SEMA6B: variants seen among roughly 807,000 people sequenced by gnomAD.
The protein encoded by SEMA6B is semaphorin-6B.
Under a neutral mutation model 78.6 loss-of-function variants are expected in SEMA6B, and 47 were observed. That is an observed-to-expected ratio of 0.60 (90% CI 0.47 to 0.76). The LOEUF (loss-of-function observed/expected upper bound fraction) is 0.76. SEMA6B is among the 30% of genes least tolerant of loss of function. The pLI is 0.00. For synonymous variants in SEMA6B, 632 were observed against 592.2 expected, an observed-to-expected ratio of 1.07 and a Z score of -0.98; for missense variants, 1,213 against 1,269.9, an observed-to-expected ratio of 0.96 and a Z score of 0.68.
At chr19:4,557,529 C>G (rs532866328) in intron 3 of SEMA6B, among the ~76,000 whole-genome samples, 1 of 152,222 alleles carries the variant, frequency 6.6e-6, no homozygotes, top group Non-Finnish European at 1.5e-5. Context: ...ACACCCTTGC[C>G]GAGGAAGCCG....
chr19:4,555,712 G>A lies in SEMA6B; in HGVS notation c.472-148C>T. 1 of 718,058 alleles carries A rather than the reference G, an allele frequency of 1.4e-6. No individual in the cohort carries two copies. The highest frequency in any genetic ancestry group is 2.7e-5 in the East Asian group (1 of 37,284). The allele number at this position is 718,058 out of a possible 1,614,324, so 44.5% of individuals were successfully genotyped here. On this transcript the variant is annotated intron_variant, in intron 6 of 16. Transcript: ENST00000586582. The surrounding 1 kb of genome is among the most constrained non-coding windows in gnomAD (Gnocchi z 6.1). ...ACTCACTTAACCTCTCAGGGCCTCA[G>A]TTTACTGATCTGTAAATGGGTTTAA...
chr19:4,556,187 T>C, intron 5 of SEMA6B, 98 bp from the exon 6 acceptor site: 1 of 832,132 alleles, frequency 1.2e-6, no homozygotes, highest in Non-Finnish European at 2.0e-6. Flanking sequence ...AGGGCCGGTC[T>C]GTTGTGGGCA....
rs531749704 is a variant in SEMA6B at position 4,555,849 on chromosome 19, G to A, written c.471+139C>T. ...AGCGCTGACTCCTCTTGAGCTCAGG[G>A]GGAGGAGGCAGGGAGAGTATATCCA... On this transcript the variant is annotated intron_variant, in intron 6 of 16. Coordinates refer to ENST00000586582, the MANE Select transcript of SEMA6B (RefSeq NM_032108.4). This position sits in a 1 kb window ranked among gnomAD's most constrained non-coding sequence, Gnocchi z 6.1. 1.7e-4 allele frequency: 127 copies of A among 741,944 alleles called. No individual in the cohort carries two copies. The African/African-American group carries it at 1.9e-3, about 11-fold the overall frequency. The allele number at this position is 741,944 out of a possible 1,614,324, so 46.0% of individuals were successfully genotyped here. A position where few individuals can be genotyped will look rare whatever the true frequency, so the allele number is the denominator to read the frequency against.
intron 12 of SEMA6B, 39 bp from the exon 13 acceptor site, chr19:4,548,484 A>G: frequency 6.3e-7 from 1 of 1,579,106 alleles, no homozygotes; most frequent in Non-Finnish European, 8.6e-7. Flanking sequence ...CTGGCCCCAT[A>G]TCACCACATG....
intron 14 of SEMA6B, among the ~76,000 whole-genome samples, chr19:4,547,299 T>C (rs1203121790): frequency 6.6e-6 from 1 of 152,122 alleles, no homozygotes; most frequent in African/African-American, 2.4e-5. Flanking sequence ...TCTGGAGTCC[T>C]TAGAACAAAT....
chr19:4,558,491 T>G lies in SEMA6B; in HGVS notation c.-32-2A>C, dbSNP rs949224918. The G allele has an allele frequency of 1.6e-6, 2 of 1,236,186 alleles. No homozygotes were observed. The highest frequency in any genetic ancestry group is 2.0e-6 in the Non-Finnish European group (2 of 988,080). 76.6% of individuals were successfully genotyped at this position (1,236,186 alleles called of 1,614,324 possible). ...CCAGGCGACAGGAGGAGGTGACGCC[T>G]GCGGGCAAGGGGCGGCGAGGTGAGC... is the stretch of plus-strand genomic sequence containing the variant. On this transcript the variant is annotated splice_acceptor_variant, in intron 1 of 16. Transcript: ENST00000586582. LOFTEE classifies it low-confidence loss of function (5UTR_SPLICE). The surrounding 1 kb of genome is among the most constrained non-coding windows in gnomAD (Gnocchi z 5.1).
At position 4,542,660 on chromosome 19, in the gene SEMA6B, A is replaced by G. The variant is rs1020187628; in HGVS notation, c.*941T>C. ...AGGCAAACTCCAGAGAGGGCAGAGG[A>G]CCCAGCCAGCCACGTGGCATGCATG... On this transcript the variant is annotated 3_prime_UTR_variant, in exon 17 of 17. Transcript: ENST00000586582. 1 of 610,684 alleles carries G rather than the reference A, an allele frequency of 1.6e-6. No individual in the cohort carries two copies. Among genetic ancestry groups the G allele is most frequent in the Non-Finnish European group, 3.0e-6 (1 of 332,566 alleles). 37.8% of individuals were successfully genotyped at this position (610,684 alleles called of 1,614,324 possible). A position where few individuals can be genotyped will look rare whatever the true frequency, so the allele number is the denominator to read the frequency against.
chr19:4,556,878 T>C (rs1432200149), intron 5 of SEMA6B, 73 bp downstream of exon 5: 4 of 1,403,718 alleles, frequency 2.8e-6, no homozygotes, highest in African/African-American at 1.4e-5. Context: ...CGTGGCCTGG[T>C]CTGATTGGGG....
chr19:4,550,502 T>G lies in SEMA6B; in HGVS notation c.1122-230A>C, dbSNP rs1452579434. Among the ~76,000 whole-genome samples the G allele has an allele frequency of 6.6e-6, 1 of 152,152 alleles. No individual in the cohort carries two copies. The highest frequency in any genetic ancestry group is 6.5e-5 in the Admixed American group (1 of 15,268). On this transcript the variant is annotated intron_variant, in intron 11 of 16. Coordinates refer to ENST00000586582, the MANE Select transcript of SEMA6B (RefSeq NM_032108.4). This position sits in a 1 kb window ranked among gnomAD's most constrained non-coding sequence, Gnocchi z 6.6. The stretch of plus-strand genomic sequence containing the variant: ...CTTCAGCCACCCGAGTGGCTGGGAT[T>G]ACAGGCACGTGCCATCACGCCCGGC...
chr19:4,555,091 C>T lies in SEMA6B; in HGVS notation c.567G>A (p.Gly189=), dbSNP rs1378542086. 6.2e-7 allele frequency: 1 copy of T among 1,613,666 alleles called. No homozygotes were observed. Residue 189 remains glycine, a synonymous_variant, in exon 8 of 17, where the codon GGG becomes GGA. Transcript: ENST00000586582. This position sits in a 1 kb window ranked among gnomAD's most constrained non-coding sequence, Gnocchi z 6.1. ...CGGTAACAGTAGCTGTGAAGAGCAT[C>T]CCGTCTGGATGGGGTGGGTGGGGAA... ...KHANVALFSD[G]MLFTATVTDF... is the part of the protein sequence containing the mutation.
rs558190229 is a variant in SEMA6B, at chr19:4,558,997, C to T, written c.-32-508G>A. Among the ~76,000 whole-genome samples, 18 of 152,042 alleles carry T rather than the reference C, an allele frequency of 1.2e-4. No individual in the cohort carries two copies. Among genetic ancestry groups the T allele is most frequent in the Non-Finnish European group, 1.5e-4 (10 of 67,980 alleles). ...TCATCTGAGGTCAGGAGTTCAAGAC[C>T]GGCCTGCCTAACATAGCGAAACCCT... On this transcript the variant is annotated intron_variant, in intron 1 of 16. Transcript: ENST00000586582. This position sits in a 1 kb window ranked among gnomAD's most constrained non-coding sequence, Gnocchi z 5.1.
intron 5 of SEMA6B, 34 bp from the exon 6 acceptor site, chr19:4,556,123 A>C (rs1977463338): frequency 6.7e-7 from 1 of 1,496,276 alleles, no homozygotes. Flanking sequence ...GGGGAGCGCG[A>C]TGTGGGCGTG....
intron 14 of SEMA6B, among the ~76,000 whole-genome samples, chr19:4,546,928 A>G (rs1977183533): frequency 6.8e-6 from 1 of 147,722 alleles, no homozygotes; most frequent in Admixed American, 6.9e-5. Context: ...TTCTTATTTT[A>G]AAATTAAAAA....
Position 4,543,712 on chromosome 19 carries a change from G to A in SEMA6B, c.2556C>T (p.Gly852=), listed in dbSNP as rs1568251303. The A allele has an allele frequency of 1.6e-6, 2 of 1,229,440 alleles. No homozygotes were observed. Among genetic ancestry groups the A allele is most frequent in the Non-Finnish European group, 1.0e-6 (1 of 986,472 alleles). The allele number at this position is 1,229,440 out of a possible 1,614,324, so 76.2% of individuals were successfully genotyped here. The change falls in exon 17 of 17, where the codon GGC becomes GGT. Residue 852 remains glycine, a synonymous_variant. Transcript: ENST00000586582. ...TLRRTHTFNS[G]EARPGDRHRG... is the part of the protein sequence containing the mutation. ...GGTGGCGGTCCCCAGGCCGGGCCTC[G>A]CCGCTGTTGAACGTGTGGGTGCGGC...
At chr19:4,556,898 G>A (rs1568258991) in intron 5 of SEMA6B, 53 bp downstream of exon 5, 3 of 1,522,062 alleles carry the variant, frequency 2.0e-6, no homozygotes, top group Non-Finnish European at 2.7e-6. Context: ...GCGGGGCATG[G>A]GTAATGCCAG....
intron 1 of SEMA6B, among the ~76,000 whole-genome samples, 160 bp downstream of exon 1, chr19:4,559,370 C>A (rs148087576): frequency 6.6e-6 from 1 of 152,094 alleles, no homozygotes; most frequent in Non-Finnish European, 1.5e-5. Context: ...CTACCTCTCA[C>A]GGGGGACTGC....
chr19:4,555,976 C>A lies in SEMA6B; in HGVS notation c.471+12G>T. ...AGGTTGGACCTGGGGCGCAGGGAGTCTGAAGACTCACGCTGTAGTTGGCGC... is the reference window on the plus strand; with the variant it reads ...AGGTTGGACCTGGGGCGCAGGGAGTATGAAGACTCACGCTGTAGTTGGCGC... On this transcript the variant is annotated intron_variant, in intron 6 of 16. Transcript: ENST00000586582. The surrounding 1 kb of genome is among the most constrained non-coding windows in gnomAD (Gnocchi z 6.1). 1 of 1,609,704 alleles carries A rather than the reference C, an allele frequency of 6.2e-7. No individual in the cohort carries two copies. Among genetic ancestry groups the A allele is most frequent in the Non-Finnish European group, 8.5e-7 (1 of 1,176,124 alleles).
chr19:4,557,055 C>A, intron 4 of SEMA6B, 42 bp from the exon 5 acceptor site: 1 of 1,602,504 alleles, frequency 6.2e-7, no homozygotes. Context: ...CGGGTCCCAG[C>A]AGCCCTGAGT....
chr19:4,544,137 C>T lies in SEMA6B; in HGVS notation c.2131G>A (p.Glu711Lys). 2 of 1,272,650 alleles carry T rather than the reference C, an allele frequency of 1.6e-6. No individual in the cohort carries two copies. Among genetic ancestry groups the T allele is most frequent in the Non-Finnish European group, 2.0e-6 (2 of 1,011,120 alleles). 78.8% of individuals were successfully genotyped at this position (1,272,650 alleles called of 1,614,324 possible). Residue 711 changes from glutamate (E) to lysine (K), a missense_variant, in exon 17 of 17, where the codon GAG (glutamate) becomes AAG (lysine). Glu to Lys is a moderately conservative substitution (Grantham distance 56, BLOSUM62 1). Coordinates refer to ENST00000586582, the MANE Select transcript of SEMA6B (RefSeq NM_032108.4). The surrounding 1 kb of genome is among the most constrained non-coding windows in gnomAD (Gnocchi z 5.1). ...CGCTTCTGCGGCAGCGGCGTCTGCT[C>T]GGGCGTGGGCAGCAGCCCCGAGTCC... Reference protein sequence around the residue: ...DLDSGLLPTPEQTPLPQKRLP... With the variant: ...DLDSGLLPTPKQTPLPQKRLP...
Sources: gnomAD v4.1 joint callset for allele counts (sites outside exome capture counted in the v4.1 genomes callset) on GRCh38, gnomAD v4.1.1 for gene constraint, Gnocchi (gnomAD v3.1) non-coding constraint, MANE v1.5 for transcripts, NCBI Gene and HGNC (gene_info 2026-07-23, HGNC 2026-07-21) for gene names.